The following PPP2R2B variants were observed in gnomAD, a reference collection of about 807,000 sequenced individuals.
PPP2R2B encodes serine/threonine-protein phosphatase 2A 55 kDa regulatory subunit B beta isoform.
Under a neutral mutation model 46.0 loss-of-function variants are expected in PPP2R2B, and 5 were observed. That is an observed-to-expected ratio of 0.11 (90% confidence interval 0.06 to 0.23). PPP2R2B has a LOEUF of 0.23. PPP2R2B is among the 10% of genes least tolerant of loss of function. The pLI, the probability that PPP2R2B is intolerant of heterozygous loss-of-function variation, is 1.00. For missense variants in PPP2R2B, 367 were observed against 575.0 expected (o/e 0.64, Z 3.70); for synonymous variants, 215 against 206.7 (o/e 1.04, Z -0.34).
chr5:146,654,410 T>C (rs1465685427), intron 5 of PPP2R2B, among the ~76,000 whole-genome samples: 7 of 152,220 alleles, frequency 4.6e-5, no homozygotes, highest in Non-Finnish European at 1.0e-4. Context: ...AATACAAAAC[T>C]GCCATGTTTG....
intron 6 of PPP2R2B, among the ~76,000 whole-genome samples, chr5:146,644,261 A>T (rs178728): frequency 1.2e-4 from 9 of 76,108 alleles, no homozygotes; most frequent in South Asian, 5.8e-4. Context: ...AAAAAAAAAA[A>T]AAGAAGAAGA....
At chr5:146,780,111 A>T (rs572129274) in intron 2 of PPP2R2B, among the ~76,000 whole-genome samples, 1 of 152,292 alleles carries the variant, frequency 6.6e-6, no homozygotes, top group African/African-American at 2.4e-5. Flanking sequence ...TTTGTATGTG[A>T]CTACAATTTA....
At chr5:147,043,383 T>G (rs1413660099) in intron 1 of PPP2R2B, among the ~76,000 whole-genome samples, 1 of 151,954 alleles carries the variant, frequency 6.6e-6, no homozygotes, top group Non-Finnish European at 1.5e-5. Context: ...TGGTGGTGTT[T>G]TTGCAAGAAG....
chr5:146,625,275 T>C (rs1340498872), intron 7 of PPP2R2B, among the ~76,000 whole-genome samples: 1 of 152,234 alleles, frequency 6.6e-6, no homozygotes, highest in Non-Finnish European at 1.5e-5. Context: ...AATTTTAATG[T>C]TCATGTAAGT....
At chr5:146,660,246 C>A (rs1215826774) in intron 5 of PPP2R2B, among the ~76,000 whole-genome samples, 1 of 152,140 alleles carries the variant, frequency 6.6e-6, no homozygotes, top group Non-Finnish European at 1.5e-5. Context: ...ATAAAATAAA[C>A]CACTAACAAA....
At chr5:146,809,011 C>T (rs1039714344) in intron 2 of PPP2R2B, among the ~76,000 whole-genome samples, 1 of 149,996 alleles carries the variant, frequency 6.7e-6, no homozygotes, top group African/African-American at 2.5e-5. Flanking sequence ...GCACCCACTT[C>T]TCCAGTGATG....
chr5:146,665,782 A>G (rs1776946927), intron 5 of PPP2R2B, among the ~76,000 whole-genome samples: 1 of 152,216 alleles, frequency 6.6e-6, no homozygotes, highest in Admixed American at 6.5e-5. Context: ...ACCCCATAAG[A>G]ATTCCAACAT....
intron 5 of PPP2R2B, among the ~76,000 whole-genome samples, chr5:146,664,177 C>T (rs1190479902): frequency 6.6e-6 from 1 of 152,114 alleles, no homozygotes; most frequent in Non-Finnish European, 1.5e-5. Context: ...ATGAAGTTTG[C>T]CATATCGATC....
chr5:146,821,381 T>C (rs2151333487), intron 2 of PPP2R2B, among the ~76,000 whole-genome samples: 1 of 152,338 alleles, frequency 6.6e-6, no homozygotes, highest in African/African-American at 2.4e-5. Flanking sequence ...CTCTGATTTA[T>C]CCTTGTAGAT....
chr5:146,691,272 A>G, intron 4 of PPP2R2B, 32 bp from the exon 5 acceptor site: 6 of 1,593,502 alleles, frequency 3.8e-6, no homozygotes, highest in Non-Finnish European at 5.2e-6. Context: ...AGTCAGAATT[A>G]TAGTGAAAAG....
chr5:146,633,254 G>A (rs183950896), intron 7 of PPP2R2B, among the ~76,000 whole-genome samples: 10 of 152,206 alleles, frequency 6.6e-5, no homozygotes, highest in Middle Eastern at 3.4e-3. Context: ...GGTTCTCCTC[G>A]GCATTTTGAT....
At chr5:146,698,341 T>C (rs1446592904) in intron 3 of PPP2R2B, among the ~76,000 whole-genome samples, 197 bp from the exon 4 acceptor site, 2 of 127,544 alleles carry the variant, frequency 1.6e-5, no homozygotes, top group African/African-American at 6.3e-5. Context: ...TATATATATA[T>C]ATATATATAT....
chr5:146,595,140 G>T (rs1561752512), intron 8 of PPP2R2B, among the ~76,000 whole-genome samples: 1 of 152,184 alleles, frequency 6.6e-6, no homozygotes, highest in Non-Finnish European at 1.5e-5. Flanking sequence ...GGCCTTGTCA[G>T]GGTAACAGCT....
At chr5:146,994,089 G>T (rs1354224639) in intron 1 of PPP2R2B, among the ~76,000 whole-genome samples, 2 of 152,162 alleles carry the variant, frequency 1.3e-5, no homozygotes, top group African/African-American at 4.8e-5. Flanking sequence ...TAGCCATTTG[G>T]CTCTTACTCG....
chr5:146,861,068 T>C (rs1258348955), intron 2 of PPP2R2B, among the ~76,000 whole-genome samples: 5 of 144,042 alleles, frequency 3.5e-5, no homozygotes, highest in Non-Finnish European at 1.5e-5. Flanking sequence ...TTTTTTTTTT[T>C]TTTTTTGAGA....
chr5:146,992,039 G>A (rs1466261302), intron 1 of PPP2R2B, among the ~76,000 whole-genome samples: 1 of 151,896 alleles, frequency 6.6e-6, no homozygotes, highest in African/African-American at 2.4e-5. Flanking sequence ...AAATTTATAT[G>A]GAACTACAAA....
chr5:146,706,261 C>T, intron 2 of PPP2R2B: 1 of 484,630 alleles, frequency 2.1e-6, no homozygotes, highest in South Asian at 1.7e-5. Flanking sequence ...TCTTGATCTT[C>T]TTCACAACCA....
chr5:146,807,401 C>T (rs892901716), intron 2 of PPP2R2B, among the ~76,000 whole-genome samples: 1 of 152,140 alleles, frequency 6.6e-6, no homozygotes, highest in Non-Finnish European at 1.5e-5. Flanking sequence ...TGGTTCTTCC[C>T]TATCTTTTTC....
At chr5:146,653,402 T>G (rs1162103530) in intron 5 of PPP2R2B, among the ~76,000 whole-genome samples, 9 of 152,192 alleles carry the variant, frequency 5.9e-5, no homozygotes, top group African/African-American at 1.9e-4. Flanking sequence ...TCATGGTATT[T>G]GAACAGGGCA....
Sources: allele counts gnomAD v4.1 joint callset (sites outside exome capture counted in the v4.1 genomes callset), GRCh38; gene constraint gnomAD v4.1.1; transcripts MANE v1.5; gene names NCBI Gene and HGNC (gene_info 2026-07-23, HGNC 2026-07-21).